The following FGF14 variants were observed in gnomAD, a reference collection of about 807,000 sequenced individuals.
FGF14 encodes the protein fibroblast growth factor homologous factor 4.
FGF14 carries 5 observed loss-of-function variants against 25.5 expected under a neutral mutation model. That is an observed-to-expected ratio of 0.20 (90% CI 0.10 to 0.41). FGF14 has a LOEUF of 0.41. Among genes scored for constraint, FGF14 ranks in the 10% least tolerant of loss-of-function variants. The probability of loss-of-function intolerance (pLI) is 1.00; values close to 1 mark genes in which losing one functional copy is unlikely to be tolerated. For synonymous variants in FGF14, 138 were observed against 118.3 expected (o/e 1.17, Z -1.08); for missense variants, 222 against 320.1 (o/e 0.69, Z 2.34).
intron 1 of FGF14, among the ~76,000 whole-genome samples, chr13:102,348,667 C>T (rs2057183894): frequency 6.6e-6 from 1 of 152,196 alleles, no homozygotes; most frequent in Non-Finnish European, 1.5e-5. Flanking sequence ...ATCAGCATCA[C>T]CTAGAAACCA....
intron 1 of FGF14, among the ~76,000 whole-genome samples, chr13:102,301,764 A>G (rs2055069171): frequency 6.7e-6 from 1 of 149,108 alleles, no homozygotes; most frequent in East Asian, 2.1e-4. Flanking sequence ...GCTGGAAGGC[A>G]ATCTTACAGT....
Position 101,744,413 on chromosome 13 carries a change from A to G in FGF14, c.409-17603T>C, listed in dbSNP as rs575371278. On this transcript the variant is annotated intron_variant, in intron 3 of 4. Transcript: ENST00000376143. ...CCATCTCCCTCCTCAACATCCAGAA[A>G]TCACTATTCATCTTATTTTTGTGAG... Among the ~76,000 whole-genome samples, 31 of 152,216 alleles carry G rather than the reference A, an allele frequency of 2.0e-4. 2 individuals carry two copies. The South Asian group carries it at 6.4e-3, about 32-fold the overall frequency.
chr13:102,135,649 T>C (rs1468764325), intron 1 of FGF14, among the ~76,000 whole-genome samples: 2 of 152,156 alleles, frequency 1.3e-5, no homozygotes, highest in Admixed American at 6.5e-5. Context: ...TGAAGTGCAA[T>C]TGCAATGAAA....
At chr13:102,064,828 G>A (rs527724539) in intron 1 of FGF14, among the ~76,000 whole-genome samples, 1 of 152,064 alleles carries the variant, frequency 6.6e-6, no homozygotes, top group African/African-American at 2.4e-5. Context: ...GTATATTGAA[G>A]AATATGCATA....
intron 1 of FGF14, among the ~76,000 whole-genome samples, chr13:102,088,645 A>G (rs1477335781): frequency 1.3e-5 from 2 of 152,186 alleles, no homozygotes; most frequent in Non-Finnish European, 2.9e-5. Flanking sequence ...GAAATATACA[A>G]ATATGTATTA....
In FGF14 at chr13:102,400,284, A is replaced by AT. The variant is rs1460393062; in HGVS notation, c.208+1186_208+1187insA. On this transcript the variant is annotated intron_variant, in intron 1 of 4. Coordinates refer to the FGF14 transcript ENST00000376131. The surrounding 1 kb of genome is among the most constrained non-coding windows in gnomAD (Gnocchi z 4.3). Reference sequence around the variant, plus strand: ...TCTACTGCACCGCAGTGCCAGCGTCAGGAGCTTCCAGAGCCCGGGCTGCCA... The same window carrying AT: ...TCTACTGCACCGCAGTGCCAGCGTCATGGAGCTTCCAGAGCCCGGGCTGCCA... Among the ~76,000 whole-genome samples, 1 of 152,162 alleles carries AT rather than the reference A, an allele frequency of 6.6e-6. No individual in the cohort carries two copies. Among genetic ancestry groups the AT allele is most frequent in the African/African-American group, 2.4e-5 (1 of 41,436 alleles).
At chr13:102,362,415 T>C (rs1594949695) in intron 1 of FGF14, among the ~76,000 whole-genome samples, 1 of 152,264 alleles carries the variant, frequency 6.6e-6, no homozygotes, top group East Asian at 1.9e-4. Flanking sequence ...CTGAATTCAG[T>C]AAATGTTTAA....
intron 3 of FGF14, among the ~76,000 whole-genome samples, chr13:101,795,058 A>G (rs1356872060): frequency 6.6e-6 from 1 of 152,192 alleles, no homozygotes; most frequent in African/African-American, 2.4e-5. Context: ...AAATTTCATT[A>G]CCTTAAACCA....
At chr13:102,171,478 T>A (rs927253487) in intron 1 of FGF14, among the ~76,000 whole-genome samples, 3 of 152,156 alleles carry the variant, frequency 2.0e-5, no homozygotes, top group Non-Finnish European at 4.4e-5. Context: ...TTGGGTTAAT[T>A]TTTTTCTTAT....
intron 2 of FGF14, among the ~76,000 whole-genome samples, chr13:101,869,538 G>T (rs911198878): frequency 6.6e-6 from 1 of 151,994 alleles, no homozygotes; most frequent in African/African-American, 2.4e-5. Context: ...TATTTCCATG[G>T]CAGTGCTGCA....
chr13:101,905,143 G>A (rs1038842513), intron 1 of FGF14, among the ~76,000 whole-genome samples: 1 of 152,142 alleles, frequency 6.6e-6, no homozygotes, highest in Non-Finnish European at 1.5e-5. Context: ...TCTGGAGAAG[G>A]CTCTTTTCTG....
intron 3 of FGF14, among the ~76,000 whole-genome samples, chr13:101,796,973 A>G (rs7327922): frequency 0.016 from 2,387 of 151,974 alleles, 56 homozygotes; most frequent in African/African-American, 0.055. Context: ...CGGGATAACT[A>G]TCTTCTCTGT....
At chr13:102,182,677 T>C (rs1182959557) in intron 1 of FGF14, among the ~76,000 whole-genome samples, 3 of 152,170 alleles carry the variant, frequency 2.0e-5, no homozygotes, top group African/African-American at 7.2e-5. Flanking sequence ...ACAAAATTTG[T>C]TGACCTCTGG....
chr13:101,888,253 G>C (rs1273769846), intron 1 of FGF14, among the ~76,000 whole-genome samples: 1 of 152,146 alleles, frequency 6.6e-6, no homozygotes, highest in East Asian at 1.9e-4. Flanking sequence ...ACATTTTAGA[G>C]AACACTGGGA....
At chr13:102,117,317 CGTCCTGACTTGCTCCT>C (rs952546763) in intron 1 of FGF14, among the ~76,000 whole-genome samples, 30 of 151,830 alleles carry the variant, frequency 2.0e-4, no homozygotes, top group African/African-American at 5.3e-4. Flanking sequence ...AGTCTGCTCC[CGTCCTGACTTGCTCCT>C]GTCCTGACTT....
In FGF14 at chr13:101,945,724, A is replaced by G. The variant is rs1241067483; in HGVS notation, c.209-70428T>C. Among the ~76,000 whole-genome samples the G allele has an allele frequency of 2.0e-5, 3 of 152,200 alleles. No homozygotes were observed. In the East Asian group the frequency reaches 5.8e-4, roughly 29 times the overall value. On this transcript the variant is annotated intron_variant, in intron 1 of 4. Coordinates refer to the FGF14 transcript ENST00000376131. ...CCTCATCCCTACCTCCCACTGCATT[A>G]GCAGTGGGTATTCCTGACCTGCCAA...
intron 1 of FGF14, among the ~76,000 whole-genome samples, chr13:102,380,563 G>T (rs964161463): frequency 6.6e-6 from 1 of 152,086 alleles, no homozygotes; most frequent in Admixed American, 6.6e-5. Flanking sequence ...ACTCAATCGG[G>T]TATTTTCCTA....
At position 102,246,227 on chromosome 13, in the gene FGF14, A is replaced by G. The variant is rs149193867; in HGVS notation, c.208+155244T>C. Among the ~76,000 whole-genome samples, 1,081 of 152,202 alleles carry G rather than the reference A, an allele frequency of 7.1e-3. 11 individuals are homozygous for G. The highest frequency in any genetic ancestry group is 0.038 in the South Asian group (183 of 4,822). ...TCTCAAAAAATTTAAGAATGATCAT[A>G]CTCAATATGAGAATTGATAAAGCAA... On this transcript the variant is annotated intron_variant, in intron 1 of 4. Coordinates refer to the FGF14 transcript ENST00000376131.
At chr13:101,814,642 G>T (rs1469655198) in intron 3 of FGF14, among the ~76,000 whole-genome samples, 1 of 152,120 alleles carries the variant, frequency 6.6e-6, no homozygotes, top group Non-Finnish European at 1.5e-5. Flanking sequence ...TGTGTCTTTT[G>T]TGGAAACTTC....
Sources: allele counts gnomAD v4.1 joint callset (sites outside exome capture counted in the v4.1 genomes callset), GRCh38; gene constraint gnomAD v4.1.1; non-coding constraint Gnocchi (gnomAD v3.1); transcripts MANE v1.5; gene names NCBI Gene and HGNC (gene_info 2026-07-23, HGNC 2026-07-21).